MXRA7: variants seen among roughly 807,000 people sequenced by gnomAD.
MXRA7 encodes the protein matrix remodeling associated 7, also known as matrix-remodeling-associated protein 7.
A neutral mutation model predicts 17.4 loss-of-function variants in MXRA7; 18 were observed. The ratio of observed to expected loss-of-function variants is 1.03; its 90% CI spans 0.71 to 1.53. MXRA7 has a LOEUF of 1.53. Among genes scored for constraint, MXRA7 ranks in the 40% most tolerant of loss-of-function variants. The probability of loss-of-function intolerance (pLI) is 0.00; values close to 1 mark genes in which losing one functional copy is unlikely to be tolerated. For missense variants in MXRA7, 141 were observed against 209.3 expected (o/e 0.67, Z 2.01); for synonymous variants, 70 against 101.7 (o/e 0.69, Z 1.87).
rs3078394 is a variant in MXRA7, at chr17:76,698,712, G to GT, written c.343-10537dup. 6.5e-3 allele frequency among the ~76,000 whole-genome samples: 359 copies of GT among 54,916 alleles called. 26 individuals carry two copies. The highest frequency in any genetic ancestry group is 0.018 in the African/African-American group (279 of 15,204). The allele number at this position is 54,916 out of a possible 152,430, so 36.0% of individuals were successfully genotyped here. A position where few individuals can be genotyped will look rare whatever the true frequency, so the allele number is the denominator to read the frequency against. The stretch of plus-strand genomic sequence containing the variant: ...TTCCAACCTGACTTCCTTCCTTTCT[G>GT]TTTTTTTTTTTTTTTTTTTTTTTTT... On this transcript the variant is annotated intron_variant, in intron 1 of 3. Transcript: ENST00000449428.
downstream of MXRA7, chr17:76,677,708 G>A (rs1435026772): frequency 1.9e-6 from 3 of 1,604,006 alleles, no homozygotes; most frequent in Non-Finnish European, 2.6e-6. Context: ...GAACTCTGTC[G>A]AGAAGAAAGG....
At chr17:76,689,861 A>G (rs2076458742) in intron 1 of MXRA7, 1 of 152,064 alleles carries the variant, frequency 6.6e-6, no homozygotes, top group Admixed American at 6.6e-5. Flanking sequence ...ACAAAAAAAA[A>G]TTAGCCGAGT....
chr17:76,702,025 G>A (rs2076596726), intron 1 of MXRA7, among the ~76,000 whole-genome samples: 1 of 152,172 alleles, frequency 6.6e-6, no homozygotes, highest in Non-Finnish European at 1.5e-5. Flanking sequence ...TGTACTCTCC[G>A]CAACCCCTAT....
chr17:76,708,019 G>A (rs1352585409), intron 1 of MXRA7, among the ~76,000 whole-genome samples: 2 of 152,196 alleles, frequency 1.3e-5, no homozygotes, highest in Non-Finnish European at 2.9e-5. Context: ...TGCTGCCCTG[G>A]GGAAGCAAGA....
At chr17:76,702,871 ACG>A (rs2076607597) in intron 1 of MXRA7, among the ~76,000 whole-genome samples, 1 of 148,950 alleles carries the variant, frequency 6.7e-6, no homozygotes, top group African/African-American at 2.5e-5. Flanking sequence ...ATATATATAT[ACG>A]TATATATATA....
At position 76,710,690 on chromosome 17, in the gene MXRA7, G is replaced by C; in HGVS notation, c.257C>G (p.Pro86Arg). The C allele has an allele frequency of 4.0e-6, 5 of 1,245,874 alleles. No homozygotes were observed. Among genetic ancestry groups the C allele is most frequent in the Non-Finnish European group, 5.1e-6 (5 of 985,886 alleles). The allele number at this position is 1,245,874 out of a possible 1,614,324, so 77.2% of individuals were successfully genotyped here. The part of the protein sequence containing the change: ...EPAGLGELGE[P>R]AGPGEPEGPG... ...CCCTTCGGGCTCCCCCGGTCCCGCA[G>C]GCTCCCCGAGCTCCCCCAGCCCCGC... Residue 86 changes from proline (P) to arginine (R), a missense_variant, in exon 1 of 4, where the codon CCT becomes CGT. Physicochemically the swap from Pro to Arg is moderately radical, Grantham distance 103 (BLOSUM62 -2). Transcript: ENST00000449428.
chr17:76,691,812 T>C (rs1295026676), intron 1 of MXRA7, among the ~76,000 whole-genome samples: 1 of 152,132 alleles, frequency 6.6e-6, no homozygotes. Context: ...CTAAGCCCAA[T>C]ATCAAGAATA....
Position 76,691,389 on chromosome 17 carries a change from C to T in MXRA7, c.343-3213G>A, listed in dbSNP as rs554104308. Among the ~76,000 whole-genome samples, 5 of 152,242 alleles carry T rather than the reference C, an allele frequency of 3.3e-5. No homozygotes were observed. The South Asian group carries it at 1.0e-3, about 32-fold the overall frequency. On this transcript the variant is annotated intron_variant, in intron 1 of 3. Transcript: ENST00000449428. ...ATAAACCAGTTAACATAAGTGCTTC[C>T]CTGAGCTCCGTAAGACGCTGTAGCA...
rs770620809 is a variant in MXRA7, at chr17:76,685,082, C to T, written c.490G>A (p.Glu164Lys). Residue 164 changes from glutamate (E) to lysine (K), a missense_variant, in exon 3 of 4, where the codon GAG becomes AAG. This residue lies in a region of MXRA7 where 67 missense variants were observed against 80.3 expected (regional missense o/e 0.83). Coordinates refer to ENST00000449428, the MANE Select transcript of MXRA7 (RefSeq NM_198530.4). ...GGGGCTGCAGCCTACCTCTGCTCCT[C>T]CTCCAGCTCCTCTTTGGTCATCATC... ...KKMMTKEELE[E>K]EQRTEE 2.4e-5 allele frequency: 39 copies of T among 1,613,976 alleles called. 3 individuals carry two copies. In the Admixed American group the frequency reaches 3.0e-4, roughly 12 times the overall value.
rs527525446 is a variant in MXRA7 at position 76,702,112 on chromosome 17, A to G, written c.342+8493T>C. ...ATAGGACAGAGAAGAAAACTAAGAG[A>G]TGAATAAAATCTGATGGAAGAGGGT... On this transcript the variant is annotated intron_variant, in intron 1 of 3. Transcript: ENST00000449428. 3.3e-5 allele frequency among the ~76,000 whole-genome samples: 5 copies of G among 152,370 alleles called. No individual in the cohort carries two copies. The South Asian group carries it at 1.0e-3, about 32-fold the overall frequency.
At position 76,680,823 on chromosome 17, in the gene MXRA7, T is replaced by C; in HGVS notation, c.*44A>G. The stretch of plus-strand genomic sequence containing the variant: ...CGTTTTATCTCTCAAGCTTTTAAGA[T>C]GCCAAAAGGAAAAGCCTTTAGGAGG... On this transcript the variant is annotated 3_prime_UTR_variant, in exon 4 of 4. Transcript: ENST00000449428. The C allele has an allele frequency of 2.5e-6, 4 of 1,602,112 alleles. No individual in the cohort carries two copies. Among genetic ancestry groups the C allele is most frequent in the South Asian group, 1.1e-5 (1 of 88,804 alleles).
chr17:76,705,635 T>C (rs7215451), intron 1 of MXRA7, among the ~76,000 whole-genome samples: 70,838 of 151,552 alleles, frequency 0.47, 16,620 homozygotes, highest in Admixed American at 0.48. Flanking sequence ...GATGGTGGAG[T>C]CCCTACAATG....
chr17:76,699,598 T>G (rs1420210949), intron 1 of MXRA7, among the ~76,000 whole-genome samples: 1 of 152,166 alleles, frequency 6.6e-6, no homozygotes, highest in Non-Finnish European at 1.5e-5. Context: ...GCCATCAGAT[T>G]GGGTGAGGTC....
chr17:76,694,571 T>A (rs1164802556), intron 1 of MXRA7, among the ~76,000 whole-genome samples: 3 of 152,094 alleles, frequency 2.0e-5, no homozygotes, highest in Non-Finnish European at 4.4e-5. Flanking sequence ...TAATAATAAT[T>A]GAATGAATTC....
chr17:76,708,514 G>A (rs1256739734), intron 1 of MXRA7, among the ~76,000 whole-genome samples: 1 of 152,184 alleles, frequency 6.6e-6, no homozygotes, highest in Non-Finnish European at 1.5e-5. Context: ...TGTCCTCCAA[G>A]CCCCAGCAGT....
chr17:76,682,533 C>T (rs940735745), intron 3 of MXRA7, among the ~76,000 whole-genome samples: 1 of 152,130 alleles, frequency 6.6e-6, no homozygotes, highest in Non-Finnish European at 1.5e-5. Context: ...CCCATGAGAA[C>T]CATCGTGCTG....
Position 76,680,869 on chromosome 17 carries a change from A to G in MXRA7, c.511T>C (p.Ter171GlnextTer5), listed in dbSNP as rs760571611. ...GGAGGACGCTAAGGATAACTTCGTT[A>G]TTCTTCAGTTCTGTAAAGAGAAATG... Reference protein sequence around the residue: ...ELEEEQRTEE* With the variant: ...ELEEEQRTEEQ The change falls in exon 4 of 4, where the codon TAA becomes CAA. Residue 171 changes from the stop codon to glutamine (Q), a stop_lost. Coordinates refer to ENST00000449428, the MANE Select transcript of MXRA7 (RefSeq NM_198530.4). The G allele has an allele frequency of 6.2e-7, 1 of 1,610,004 alleles. No homozygotes were observed. Among genetic ancestry groups the G allele is most frequent in the Admixed American group, 1.7e-5 (1 of 59,522 alleles).
chr17:76,702,892 T>TATATATATACGTATATATATA (rs2076611295), intron 1 of MXRA7, among the ~76,000 whole-genome samples: 1 of 77,996 alleles, frequency 1.3e-5, no homozygotes, highest in African/African-American at 3.5e-5. Flanking sequence ...TATATATATC[T>TATATATATACGTATATATATA]TGAGGAGGCC....
intron 1 of MXRA7, among the ~76,000 whole-genome samples, chr17:76,703,322 A>G (rs1947209433): frequency 6.6e-6 from 1 of 152,160 alleles, no homozygotes. Context: ...TACACAGGCC[A>G]CAAAACTGGA....
Sources: allele counts gnomAD v4.1 joint callset (sites outside exome capture counted in the v4.1 genomes callset), GRCh38; gene constraint gnomAD v4.1.1; regional missense constraint gnomAD v4.1.1; transcripts MANE v1.5; gene names NCBI Gene and HGNC (gene_info 2026-07-23, HGNC 2026-07-21).